MAP3K13: variants seen among roughly 807,000 people sequenced by gnomAD.
MAP3K13 encodes leucine zipper-bearing kinase.
In MAP3K13, 52 loss-of-function variants were observed where a neutral mutation model predicts 104.0. The ratio of observed to expected loss-of-function variants is 0.50; its 90% confidence interval spans 0.40 to 0.63. MAP3K13 has a LOEUF of 0.63. MAP3K13 is among the 20% of genes least tolerant of loss of function. The probability of loss-of-function intolerance (pLI) is 0.00; values close to 1 mark genes in which losing one functional copy is unlikely to be tolerated. For missense variants in MAP3K13, 914 were observed against 1,218.5 expected (o/e 0.75, Z 3.72); for synonymous variants, 394 against 442.2 (o/e 0.89, Z 1.37).
At chr3:185,360,276 G>C (rs543013323), upstream of MAP3K13, among the ~76,000 whole-genome samples, 50 of 152,294 alleles carry the variant, frequency 3.3e-4, no homozygotes, top group Admixed American at 6.5e-4. Context: ...CTATTTTGGA[G>C]TTAAATAAAT....
rs77523959 is a variant in MAP3K13, at chr3:185,288,916, C to T, written c.-86+3273C>T. 1.9e-3 allele frequency among the ~76,000 whole-genome samples: 290 copies of T among 152,138 alleles called. 13 individuals are homozygous for T. In the East Asian group the frequency reaches 0.052, roughly 27 times the overall value. The stretch of plus-strand genomic sequence containing the variant: ...TCCTAGCATTCCAATTGTTTATGAT[C>T]AAGATTAACCAAGATTAAACAGATC... On this transcript the variant is annotated intron_variant, in intron 2 of 14. Coordinates refer to the MAP3K13 transcript ENST00000424227.
chr3:185,290,025 G>A (rs1327421193), intron 2 of MAP3K13, among the ~76,000 whole-genome samples: 3 of 152,066 alleles, frequency 2.0e-5, no homozygotes, highest in Non-Finnish European at 4.4e-5. Flanking sequence ...CTGTAAAAAG[G>A]AATTTGCTGA....
chr3:185,449,829 T>A, intron 5 of MAP3K13, 71 bp from the exon 6 acceptor site: 2 of 1,368,362 alleles, frequency 1.5e-6, no homozygotes, highest in East Asian at 2.5e-5. Flanking sequence ...TTGATTTCAA[T>A]TAATAGAGAA....
intron 2 of MAP3K13, among the ~76,000 whole-genome samples, chr3:185,298,544 ATTTAC>A (rs1283708315): frequency 2.6e-5 from 4 of 152,174 alleles, no homozygotes; most frequent in Non-Finnish European, 2.9e-5. Flanking sequence ...TGTTTATTGA[ATTTAC>A]TTTACATATT....
chr3:185,340,478 C>T (rs1011939332), intron 2 of MAP3K13, among the ~76,000 whole-genome samples: 2 of 152,188 alleles, frequency 1.3e-5, no homozygotes, highest in East Asian at 3.9e-4. Flanking sequence ...CTTTAGGTAC[C>T]AAGTTAAGGA....
chr3:185,377,700 C>T (rs1470966256), intron 1 of MAP3K13, among the ~76,000 whole-genome samples: 5 of 152,178 alleles, frequency 3.3e-5, no homozygotes, highest in South Asian at 2.1e-4. Flanking sequence ...AGGTAGCCTC[C>T]GTATTGATTA....
intron 1 of MAP3K13, among the ~76,000 whole-genome samples, chr3:185,369,248 T>A (rs775579409): frequency 2.0e-5 from 3 of 152,180 alleles, no homozygotes; most frequent in Non-Finnish European, 4.4e-5. Context: ...AAATTTAAAA[T>A]GGGACTTTTG....
At position 185,486,693 on chromosome 3, in the gene MAP3K13, CGTCT is replaced by C. The variant is rs1718732314; in HGVS notation, c.*4240_*4243del. The C allele has an allele frequency of 6.6e-6, 1 of 152,214 alleles. No homozygotes were observed. Among genetic ancestry groups the C allele is most frequent in the African/African-American group, 2.4e-5 (1 of 41,446 alleles). The allele number at this position is 152,214 out of a possible 1,614,324, so 9.4% of individuals were successfully genotyped here. A position where few individuals can be genotyped will look rare whatever the true frequency, so the allele number is the denominator to read the frequency against. ...GGGATGAATGTCCATGTTCCGTTAG[CGTCT>C]GTTTTTAACTGACTGCAAGATGATG... On this transcript the variant is annotated 3_prime_UTR_variant, in exon 14 of 14. Transcript: ENST00000265026.
chr3:185,385,731 G>A (rs1711648178), intron 1 of MAP3K13, among the ~76,000 whole-genome samples: 1 of 152,066 alleles, frequency 6.6e-6, no homozygotes, highest in Non-Finnish European at 1.5e-5. Context: ...GGCTGGGTGT[G>A]GTGGCTCACG....
chr3:185,315,244 CA>C lies in MAP3K13; in HGVS notation c.-86+29603del, dbSNP rs1347956015. Among the ~76,000 whole-genome samples the C allele has an allele frequency of 1.3e-5, 2 of 150,192 alleles. No homozygotes were observed. Among genetic ancestry groups the C allele is most frequent in the African/African-American group, 4.9e-5 (2 of 40,784 alleles). ...CAGCCTGGGTGACAGAGCAAGACTC[CA>C]ACTCAAAAAAGAAAAAAAAAACTAT... is the stretch of plus-strand genomic sequence containing the variant. On this transcript the variant is annotated intron_variant, in intron 2 of 14. Transcript: ENST00000424227. The surrounding 1 kb of genome is among the most constrained non-coding windows in gnomAD (Gnocchi z 4.3).
intron 2 of MAP3K13, among the ~76,000 whole-genome samples, chr3:185,336,615 T>G (rs993691411): frequency 1.3e-5 from 2 of 150,970 alleles, no homozygotes; most frequent in African/African-American, 4.9e-5. Flanking sequence ...TGAACTACTG[T>G]TATAGATATC....
intron 1 of MAP3K13, among the ~76,000 whole-genome samples, chr3:185,387,955 A>C (rs1040243753): frequency 1.3e-5 from 2 of 152,192 alleles, no homozygotes; most frequent in African/African-American, 4.8e-5. Flanking sequence ...TGATTAACAA[A>C]TTCAGGGAAG....
chr3:185,390,628 T>A (rs1711986675), intron 1 of MAP3K13, among the ~76,000 whole-genome samples: 1 of 138,080 alleles, frequency 7.2e-6, no homozygotes, highest in South Asian at 2.4e-4. Context: ...AGAATTTTTT[T>A]TTTTTTTTTT....
chr3:185,354,644 G>A (rs1723278601), intron 2 of MAP3K13, among the ~76,000 whole-genome samples: 1 of 151,640 alleles, frequency 6.6e-6, no homozygotes, highest in Non-Finnish European at 1.5e-5. Context: ...GTTGCTGTGT[G>A]TAGGATGGTC....
chr3:185,359,817 A>G (rs1240765721), upstream of MAP3K13, among the ~76,000 whole-genome samples: 1 of 152,156 alleles, frequency 6.6e-6, no homozygotes, highest in East Asian at 1.9e-4. Context: ...AGCATTTGAG[A>G]TCACTAAACT....
chr3:185,375,547 G>C (rs1401675647), intron 1 of MAP3K13, among the ~76,000 whole-genome samples: 1 of 152,144 alleles, frequency 6.6e-6, no homozygotes, highest in Non-Finnish European at 1.5e-5. Flanking sequence ...TATTTTCTTT[G>C]GTCCAGGAAC....
intron 1 of MAP3K13, among the ~76,000 whole-genome samples, chr3:185,372,842 C>T (rs919856245): frequency 4.6e-5 from 7 of 152,164 alleles, no homozygotes; most frequent in Admixed American, 2.0e-4. Context: ...ATTATTAATG[C>T]AGAGCAAAGA....
intron 2 of MAP3K13, among the ~76,000 whole-genome samples, chr3:185,318,935 T>C (rs896072379): frequency 2.6e-5 from 4 of 152,216 alleles, no homozygotes; most frequent in Non-Finnish European, 5.9e-5. Flanking sequence ...CATTCCTGAT[T>C]CTATACTTTT....
chr3:185,454,719 A>ATT lies in MAP3K13; in HGVS notation c.1278+3325_1278+3326insTT, dbSNP rs1428044494. 2.0e-3 allele frequency among the ~76,000 whole-genome samples: 46 copies of ATT among 23,500 alleles called. 12 individuals are homozygous for ATT. The highest frequency in any genetic ancestry group is 7.7e-3 in the South Asian group (3 of 388). 15.4% of individuals were successfully genotyped at this position (23,500 alleles called of 152,430 possible). A position where few individuals can be genotyped will look rare whatever the true frequency, so the allele number is the denominator to read the frequency against. ...GAGATATATATATCATATATGAGAT[A>ATT]TATATGATATATATGATATATATAT... On this transcript the variant is annotated intron_variant, in intron 7 of 13. Coordinates refer to ENST00000265026, the MANE Select transcript of MAP3K13 (RefSeq NM_004721.5).
Sources: allele counts gnomAD v4.1 joint callset (sites outside exome capture counted in the v4.1 genomes callset), GRCh38; gene constraint gnomAD v4.1.1; non-coding constraint Gnocchi (gnomAD v3.1); transcripts MANE v1.5; gene names NCBI Gene and HGNC (gene_info 2026-07-23, HGNC 2026-07-21).